The following ALDH5A1 variants were observed in gnomAD, a reference collection of about 807,000 sequenced individuals.
The protein encoded by ALDH5A1 is succinate-semialdehyde dehydrogenase, mitochondrial.
ALDH5A1 carries 33 observed loss-of-function variants against 54.7 expected under a neutral mutation model. That is an observed-to-expected ratio of 0.60 (90% CI 0.46 to 0.81). The LOEUF is 0.81. ALDH5A1 is among the 30% of genes least tolerant of loss of function. ALDH5A1 has a pLI of 0.00. For synonymous variants in ALDH5A1, 294 were observed against 292.7 expected, an observed-to-expected ratio of 1.00 and a Z score of -0.05; for missense variants, 657 against 711.0, an observed-to-expected ratio of 0.92 and a Z score of 0.86.
At chr6:24,526,158 G>A (rs1353215230) in intron 7 of ALDH5A1, among the ~76,000 whole-genome samples, 2 of 152,108 alleles carry the variant, frequency 1.3e-5, no homozygotes, top group Non-Finnish European at 2.9e-5. Flanking sequence ...CAGTCCTTGT[G>A]TGTGTGTGTG....
intron 1 of ALDH5A1, 89 bp downstream of exon 1, chr6:24,495,439 G>C (rs1284487936): frequency 4.0e-5 from 52 of 1,303,010 alleles, no homozygotes; most frequent in Non-Finnish European, 4.7e-5. Flanking sequence ...CACCAGCCGC[G>C]TCGCCTCCCT....
At chr6:24,515,417 AGCAGAGTGTTAAAAGCTCTGTC>A in intron 5 of ALDH5A1, 107 bp downstream of exon 5, 1 of 1,378,022 alleles carries the variant, frequency 7.3e-7, no homozygotes, top group East Asian at 2.5e-5. Flanking sequence ...AAAGATTTCC[AGCAGAGTGTTAAAAGCTCTGTC>A]GCAGGCCAAG....
chr6:24,516,440 CA>C (rs34722994), intron 5 of ALDH5A1, among the ~76,000 whole-genome samples: 104 of 70,126 alleles, frequency 1.5e-3, no homozygotes, highest in Middle Eastern at 8.3e-3. Context: ...GACTCTGTCT[CA>C]AAAAAAAAAA....
Position 24,532,125 on chromosome 6 carries a change from TACAG to T in ALDH5A1, c.1352_1355del (p.Thr451ArgfsTer5). On this transcript the variant is annotated frameshift_variant, in exon 9 of 10. Transcript: ENST00000357578. LOFTEE classifies it high-confidence loss of function. ...CCTATCTTAACTTTGGCAGGTTCGATACAGAGGAGGAGGCTATAGCAATCGCTAA... is the reference window on the plus strand; with the variant it reads ...CCTATCTTAACTTTGGCAGGTTCGATAGGAGGAGGCTATAGCAATCGCTAA... The T allele has an allele frequency of 6.2e-7, 1 of 1,614,204 alleles. No individual in the cohort carries two copies. The highest frequency in any genetic ancestry group is 8.5e-7 in the Non-Finnish European group (1 of 1,180,004).
At position 24,495,481 on chromosome 6, in the gene ALDH5A1, G is replaced by A. The variant is rs7754003; in HGVS notation, c.354+131G>A. On this transcript the variant is annotated intron_variant, in intron 1 of 9. Transcript: ENST00000357578. Reference sequence around the variant, plus strand: ...CTCAGTTCCCCAGGGTATACAAAGTGGAAAGTCAGAGCAACAAGGGAGACG... The same window carrying A: ...CTCAGTTCCCCAGGGTATACAAAGTAGAAAGTCAGAGCAACAAGGGAGACG... The A allele has an allele frequency of 3.1e-3, 2,923 of 928,824 alleles. 67 individuals are homozygous for A. In the African/African-American group the frequency reaches 0.041, roughly 13 times the overall value. The allele number at this position is 928,824 out of a possible 1,614,324, so 57.5% of individuals were successfully genotyped here.
intron 7 of ALDH5A1, among the ~76,000 whole-genome samples, chr6:24,524,928 G>C (rs1386285757): frequency 1.3e-5 from 2 of 152,176 alleles, no homozygotes; most frequent in Non-Finnish European, 2.9e-5. Flanking sequence ...ATGCTAGTTT[G>C]CAGCCAGTCT....
Position 24,509,047 on chromosome 6 carries a change from T to C in ALDH5A1, c.726+4062T>C, listed in dbSNP as rs1759413361. 6.6e-6 allele frequency among the ~76,000 whole-genome samples: 1 copy of C among 152,216 alleles called. No homozygotes were observed. The highest frequency in any genetic ancestry group is 2.4e-5 in the African/African-American group (1 of 41,464). On this transcript the variant is annotated intron_variant, in intron 4 of 9. Transcript: ENST00000357578. The surrounding 1 kb of genome is among the most constrained non-coding windows in gnomAD (Gnocchi z 4.7). The stretch of plus-strand genomic sequence containing the variant: ...TGTCAGATGTATAGATTGTGAAGAC[T>C]TTCTCCTGCTCTGTGGGTTGTCTGT...
chr6:24,527,336 G>A (rs1445685721), intron 7 of ALDH5A1, among the ~76,000 whole-genome samples: 1 of 152,086 alleles, frequency 6.6e-6, no homozygotes, highest in Non-Finnish European at 1.5e-5. Flanking sequence ...CACTTTGGGA[G>A]GCCAAGGCGG....
intron 3 of ALDH5A1, among the ~76,000 whole-genome samples, 184 bp downstream of exon 3, chr6:24,503,617 G>A (rs1431098824): frequency 1.3e-5 from 2 of 152,284 alleles, no homozygotes; most frequent in South Asian, 4.1e-4. Context: ...GTTAGGTGTG[G>A]TGGCAGTGAG....
rs1681550148 is a variant in ALDH5A1 at position 24,509,535 on chromosome 6, C to G, written c.726+4550C>G. 6.6e-6 allele frequency among the ~76,000 whole-genome samples: 1 copy of G among 152,052 alleles called. No homozygotes were observed. Among genetic ancestry groups the G allele is most frequent in the African/African-American group, 2.4e-5 (1 of 41,434 alleles). ...GTCTGTTCGGGATATCTCGTTCTTC[C>G]TGATTTAAGCTAGGAGGGCTGTATA... is the stretch of plus-strand genomic sequence containing the variant. On this transcript the variant is annotated intron_variant, in intron 4 of 9. Coordinates refer to ENST00000357578, the MANE Select transcript of ALDH5A1 (RefSeq NM_001080.3). This position sits in a 1 kb window ranked among gnomAD's most constrained non-coding sequence, Gnocchi z 4.7.
intron 7 of ALDH5A1, among the ~76,000 whole-genome samples, chr6:24,526,972 G>GTATATATATA (rs1459778389): frequency 5.5e-3 from 46 of 8,350 alleles, no homozygotes; most frequent in African/African-American, 9.0e-3. Flanking sequence ...ATATGTGTGT[G>GTATATATATA]TGTATATATA....
intron 5 of ALDH5A1, 33 bp downstream of exon 5, chr6:24,515,343 T>G: frequency 6.2e-7 from 1 of 1,608,124 alleles, no homozygotes; most frequent in Non-Finnish European, 8.5e-7. Context: ...AAAACAAATG[T>G]CTTTCTAATA....
At position 24,503,406 on chromosome 6, in the gene ALDH5A1, C is replaced by T. The variant is rs1759249448; in HGVS notation, c.582C>T (p.Pro194=). The T allele has an allele frequency of 6.2e-7, 1 of 1,613,356 alleles. No individual in the cohort carries two copies. The highest frequency in any genetic ancestry group is 1.7e-5 in the Admixed American group (1 of 59,996). ...GGCGGGCCCTGGTCCTCAAGCAGCCCATAGGCGTGGCTGCAGTCATCACCC... is the reference window on the plus strand; with the variant it reads ...GGCGGGCCCTGGTCCTCAAGCAGCCTATAGGCGTGGCTGCAGTCATCACCC... ...KDRRALVLKQ[P]IGVAAVITPW... is the part of the protein sequence containing the mutation. The change falls in exon 3 of 10, where the codon CCC becomes CCT. Residue 194 remains proline (P), a synonymous_variant. Coordinates refer to ENST00000357578, the MANE Select transcript of ALDH5A1 (RefSeq NM_001080.3).
intron 4 of ALDH5A1, among the ~76,000 whole-genome samples, chr6:24,514,344 C>G (rs1401773296): frequency 6.6e-6 from 1 of 152,202 alleles, no homozygotes; most frequent in Non-Finnish European, 1.5e-5. Context: ...ACAGGTGAAT[C>G]AAGTAACTTT....
Position 24,535,235 on chromosome 6 carries a change from C to T in ALDH5A1, c.*1523C>T, listed in dbSNP as rs1760023316. ...TAGGATTTAACATCCCTCATTGAGC[C>T]ACTGGGAAGCTATGGTTGAGTAACT... On this transcript the variant is annotated 3_prime_UTR_variant, in exon 10 of 10. Transcript: ENST00000357578. The T allele has an allele frequency of 6.6e-6, 1 of 152,174 alleles. No individual in the cohort carries two copies. The highest frequency in any genetic ancestry group is 1.5e-5 in the Non-Finnish European group (1 of 68,062). 9.4% of individuals were successfully genotyped at this position (152,174 alleles called of 1,614,324 possible).
intron 6 of ALDH5A1, among the ~76,000 whole-genome samples, chr6:24,522,468 T>C (rs1373960509): frequency 6.8e-6 from 1 of 147,626 alleles, no homozygotes; most frequent in Non-Finnish European, 1.5e-5. Context: ...GGCTTTTTTT[T>C]CTTTTCTTTC....
chr6:24,515,096 T>C, intron 4 of ALDH5A1, 71 bp from the exon 5 acceptor site: 1 of 1,490,814 alleles, frequency 6.7e-7, no homozygotes, highest in Non-Finnish European at 9.1e-7. Context: ...TATTTATTTC[T>C]CTTTTCTTTT....
chr6:24,506,065 A>C, intron 4 of ALDH5A1, among the ~76,000 whole-genome samples: 1 of 151,452 alleles, frequency 6.6e-6, no homozygotes, highest in Non-Finnish European at 1.5e-5. Flanking sequence ...CCCTATCACT[A>C]TTTGTAGGCC....
intron 7 of ALDH5A1, among the ~76,000 whole-genome samples, chr6:24,524,574 G>A (rs1475616204): frequency 6.6e-6 from 1 of 152,212 alleles, no homozygotes; most frequent in African/African-American, 2.4e-5. Context: ...CACATCCATT[G>A]CCTTGGGAAA....
Sources: gnomAD v4.1 joint callset for allele counts (sites outside exome capture counted in the v4.1 genomes callset) on GRCh38, gnomAD v4.1.1 for gene constraint, Gnocchi (gnomAD v3.1) non-coding constraint, MANE v1.5 for transcripts, NCBI Gene and HGNC (gene_info 2026-07-23, HGNC 2026-07-21) for gene names.